Variants in GALNT13 observed in about 807,000 individuals in gnomAD.
The protein encoded by GALNT13 is UDP-GalNAc:polypeptide N-acetylgalactosaminyltransferase 13.
GALNT13 carries 28 observed loss-of-function variants against 64.2 expected under a neutral mutation model. That is an observed-to-expected ratio of 0.44 (90% CI 0.32 to 0.60). The LOEUF (loss-of-function observed/expected upper bound fraction) is 0.60. Among genes scored for constraint, GALNT13 ranks in the 20% least tolerant of loss-of-function variants. The pLI, the probability that GALNT13 is intolerant of heterozygous loss-of-function variation, is 0.05. For missense variants in GALNT13, 577 were observed against 669.8 expected (o/e 0.86, Z 1.53); for synonymous variants, 214 against 224.6 (o/e 0.95, Z 0.42).
intron 4 of GALNT13, among the ~76,000 whole-genome samples, chr2:154,178,903 T>C (rs1012794009): frequency 1.2e-4 from 18 of 152,328 alleles, no homozygotes; most frequent in African/African-American, 3.8e-4. Context: ...CATTTAAAAC[T>C]CCTTCAGACA....
chr2:153,317,813 T>C, the GALNT13 span, among the ~76,000 whole-genome samples: 2 of 152,128 alleles, frequency 1.3e-5, no homozygotes, highest in African/African-American at 4.8e-5. Context: ...AATATGAAAA[T>C]AGGCAATGAA....
chr2:153,281,154 TG>T, the GALNT13 span, among the ~76,000 whole-genome samples: 1 of 152,210 alleles, frequency 6.6e-6, no homozygotes, highest in African/African-American at 2.4e-5. Context: ...GTTTAAAGTC[TG>T]TTGTATCTGA....
intron 3 of GALNT13, among the ~76,000 whole-genome samples, chr2:154,137,099 G>A (rs1683000044): frequency 6.6e-6 from 1 of 152,000 alleles, no homozygotes; most frequent in Admixed American, 6.6e-5. Flanking sequence ...CCAGTGATAA[G>A]TCACAACACC....
chr2:154,303,918 C>G (rs528162859), intron 9 of GALNT13, among the ~76,000 whole-genome samples: 1 of 151,894 alleles, frequency 6.6e-6, no homozygotes, highest in Admixed American at 6.6e-5. Context: ...CCACCATGGC[C>G]GGCTAATTTT....
At chr2:153,264,725 C>T in the GALNT13 span, among the ~76,000 whole-genome samples, 1 of 152,184 alleles carries the variant, frequency 6.6e-6, no homozygotes, top group African/African-American at 2.4e-5. Context: ...TGCTTGTACT[C>T]ACTTATAAGT....
At chr2:154,093,902 C>T (rs967925515) in intron 3 of GALNT13, among the ~76,000 whole-genome samples, 2 of 151,334 alleles carry the variant, frequency 1.3e-5, no homozygotes, top group East Asian at 2.0e-4. Flanking sequence ...TTGTTAAACT[C>T]GATAAAAGCT....
At chr2:153,275,148 T>TTAA in the GALNT13 span, among the ~76,000 whole-genome samples, 12 of 152,210 alleles carry the variant, frequency 7.9e-5, no homozygotes, top group Admixed American at 3.3e-4. Context: ...ATAACCCCTG[T>TTAA]TAATAGTTTG....
In GALNT13 at chr2:154,213,627, C is replaced by T. The variant is rs567335513; in HGVS notation, c.312-28403C>T. ...TGCTTAGAGAGTGAAAAAAAAAAAA[C>T]GGAATAGACACAGGCAGACAATATG... On this transcript the variant is annotated intron_variant, in intron 4 of 12. Transcript: ENST00000392825. 9.8e-5 allele frequency among the ~76,000 whole-genome samples: 14 copies of T among 142,484 alleles called. No individual in the cohort carries two copies. In the South Asian group the frequency reaches 2.2e-3, roughly 23 times the overall value. The allele number at this position is 142,484 out of a possible 152,430, so 93.5% of individuals were successfully genotyped here.
the GALNT13 span, among the ~76,000 whole-genome samples, chr2:153,649,582 G>A: frequency 9.3e-5 from 14 of 150,858 alleles, 1 homozygote; most frequent in East Asian, 2.2e-3. Flanking sequence ...GATCTTTCCT[G>A]CTTTCTCTTG....
the GALNT13 span, among the ~76,000 whole-genome samples, chr2:153,388,815 C>T: frequency 1.3e-5 from 2 of 152,018 alleles, no homozygotes; most frequent in Admixed American, 1.3e-4. Flanking sequence ...ACCCAGAAAC[C>T]CAGGAGGACT....
intron 9 of GALNT13, among the ~76,000 whole-genome samples, chr2:154,306,405 G>A (rs1693734680): frequency 6.6e-6 from 1 of 151,972 alleles, no homozygotes; most frequent in Non-Finnish European, 1.5e-5. Context: ...GCAGTGTTTG[G>A]TGTTCTGTTC....
intron 3 of GALNT13, among the ~76,000 whole-genome samples, chr2:153,970,675 A>C (rs779042989): frequency 6.6e-6 from 1 of 152,124 alleles, no homozygotes; most frequent in African/African-American, 2.4e-5. Flanking sequence ...CAAACTTACC[A>C]TATCCAAAAC....
intron 4 of GALNT13, among the ~76,000 whole-genome samples, chr2:154,176,413 T>C (rs1685657278): frequency 6.6e-6 from 1 of 151,626 alleles, no homozygotes. Context: ...CCACCACGCC[T>C]GGCTAATTTT....
chr2:153,326,160 C>G, the GALNT13 span, among the ~76,000 whole-genome samples: 323 of 152,250 alleles, frequency 2.1e-3, 1 homozygote, highest in African/African-American at 7.1e-3. Context: ...TCTGAGTGCT[C>G]CTGTACTGGG....
chr2:153,074,248 T>C, the GALNT13 span, among the ~76,000 whole-genome samples: 12 of 152,362 alleles, frequency 7.9e-5, no homozygotes, highest in African/African-American at 2.9e-4. Context: ...TTGTGCTACT[T>C]TGAGATACAT....
chr2:154,420,239 G>A (rs574743712), intron 11 of GALNT13, among the ~76,000 whole-genome samples: 2 of 152,194 alleles, frequency 1.3e-5, no homozygotes, highest in South Asian at 2.1e-4. Flanking sequence ...AAAGGAAAAT[G>A]TGTTGCTACT....
chr2:153,269,535 C>T, the GALNT13 span, among the ~76,000 whole-genome samples: 1 of 152,186 alleles, frequency 6.6e-6, no homozygotes, highest in East Asian at 1.9e-4. Flanking sequence ...CCCACATTTT[C>T]CTGTCTACTT....
chr2:153,734,984 G>A, the GALNT13 span, among the ~76,000 whole-genome samples: 18 of 152,208 alleles, frequency 1.2e-4, no homozygotes, highest in African/African-American at 2.9e-4. Context: ...GCCTTGAACC[G>A]TGACAACTCC....
At chr2:154,424,957 AAAACTTTGGTATTATTTGCACCCAATG>A (rs1314423156) in intron 11 of GALNT13, among the ~76,000 whole-genome samples, 1 of 152,234 alleles carries the variant, frequency 6.6e-6, no homozygotes, top group East Asian at 1.9e-4. Flanking sequence ...AGCCATCTAG[AAAACTTTGGTATTATTTGCACCCAATG>A]CAAGCATTGT....
Sources: gnomAD v4.1 joint callset for allele counts (sites outside exome capture counted in the v4.1 genomes callset) on GRCh38, gnomAD v4.1.1 for gene constraint, MANE v1.5 for transcripts, NCBI Gene and HGNC (gene_info 2026-07-23, HGNC 2026-07-21) for gene names.